DISC1: variants seen among roughly 807,000 people sequenced by gnomAD.
DISC1 encodes the protein DISC1 scaffold protein, also known as disrupted in schizophrenia 1 protein.
DISC1 carries 57 observed loss-of-function variants against 84.5 expected under a neutral mutation model. The observed-to-expected ratio is 0.67, with a 90% CI of 0.55 to 0.84. DISC1 has a LOEUF of 0.84. Ranked by LOEUF, DISC1 falls within the 40% of genes least tolerant of loss-of-function variation. DISC1 has a pLI of 0.00. For missense variants in DISC1, 1,000 were observed against 1,057.8 expected (o/e 0.95, Z 0.76); for synonymous variants, 411 against 415.2 (o/e 0.99, Z 0.12).
chr1:231,681,696 C>T (rs980820647), intron 1 of DISC1, among the ~76,000 whole-genome samples: 1 of 151,978 alleles, frequency 6.6e-6, no homozygotes, highest in Middle Eastern at 3.4e-3. Flanking sequence ...TAGGCATAGA[C>T]ATTTATTTTT....
intron 9 of DISC1, among the ~76,000 whole-genome samples, chr1:231,856,886 AG>A (rs1241236885): frequency 6.6e-6 from 1 of 152,262 alleles, no homozygotes; most frequent in East Asian, 1.9e-4. Context: ...CGGAGTGATC[AG>A]GCCAAAGCAT....
In DISC1 at chr1:231,954,460, T is replaced by C. The variant is rs548371318; in HGVS notation, c.1982-4368T>C. ...TTGTATGAATTCCACTCTGTTATCA[T>C]GGCCTGAACCTGAATATCAGATTCC... On this transcript the variant is annotated intron_variant, in intron 9 of 12. Transcript: ENST00000439617. The surrounding 1 kb of genome is among the most constrained non-coding windows in gnomAD (Gnocchi z 4.8). Among the ~76,000 whole-genome samples the C allele has an allele frequency of 1.3e-5, 2 of 152,348 alleles. No homozygotes were observed. Among genetic ancestry groups the C allele is most frequent in the South Asian group, 4.1e-4 (2 of 4,826 alleles).
chr1:231,914,768 A>G lies in DISC1; in HGVS notation c.1982-44060A>G, dbSNP rs199841124. On this transcript the variant is annotated intron_variant, in intron 9 of 12. Coordinates refer to ENST00000439617, the MANE Select transcript of DISC1 (RefSeq NM_018662.3). ...ACAGTAATGGAGAAAAACAGCTTGC[A>G]CTGTAAGTCCACGACATTTCTGTCC... is the stretch of plus-strand genomic sequence containing the variant. 3.3e-5 allele frequency among the ~76,000 whole-genome samples: 5 copies of G among 152,348 alleles called. No individual in the cohort carries two copies. The South Asian group carries it at 6.2e-4, about 19-fold the overall frequency.
chr1:231,980,586 T>C (rs1482114068), intron 10 of DISC1, among the ~76,000 whole-genome samples: 1 of 152,252 alleles, frequency 6.6e-6, no homozygotes, highest in African/African-American at 2.4e-5. Flanking sequence ...TGTTACTATG[T>C]GATAATTATA....
rs535735897 is a variant in DISC1 at position 232,036,087 on chromosome 1, A to G, written c.2426-605A>G. ...TGAGTGCCCTTCCTAGTTCCTGGGA[A>G]TATACTAACAGATAACAGCAGGTTA... On this transcript the variant is annotated intron_variant, in intron 12 of 12. Coordinates refer to ENST00000439617, the MANE Select transcript of DISC1 (RefSeq NM_018662.3). Among the ~76,000 whole-genome samples the G allele has an allele frequency of 6.6e-5, 10 of 152,330 alleles. No individual in the cohort carries two copies. In the South Asian group the frequency reaches 2.1e-3, roughly 32 times the overall value.
intron 1 of DISC1, among the ~76,000 whole-genome samples, chr1:231,632,663 T>G (rs568119762): frequency 2.0e-5 from 3 of 152,364 alleles, no homozygotes; most frequent in South Asian, 4.1e-4. Context: ...TACTTAGAAC[T>G]GTTTTCATTA....
chr1:231,778,084 A>C (rs1468349193), intron 6 of DISC1, among the ~76,000 whole-genome samples: 1 of 152,212 alleles, frequency 6.6e-6, no homozygotes, highest in African/African-American at 2.4e-5. Context: ...ATGTCCCTCC[A>C]GGCCAGGGAT....
At chr1:231,938,389 G>A (rs1440966813) in intron 9 of DISC1, among the ~76,000 whole-genome samples, 1 of 152,178 alleles carries the variant, frequency 6.6e-6, no homozygotes, top group Non-Finnish European at 1.5e-5. Flanking sequence ...TGCCACTGCA[G>A]GCTTTGGAGG....
At chr1:231,720,758 G>A in intron 3 of DISC1, 2 of 1,016,428 alleles carry the variant, frequency 2.0e-6, no homozygotes, top group African/African-American at 3.3e-5. Flanking sequence ...AAAATGTGAA[G>A]TTCTTAAGTT....
In DISC1 at chr1:232,039,749, A is replaced by C. The variant is rs1294190704; in HGVS notation, c.*2918A>C. On this transcript the variant is annotated 3_prime_UTR_variant, in exon 13 of 13. Transcript: ENST00000439617. ...GAGGTTAGGGCTTAGATTTAAAAGC[A>C]TCAAAACAACAACAATGGAAATTTA... The C allele has an allele frequency of 6.6e-6, 1 of 152,172 alleles. No individual in the cohort carries two copies. The highest frequency in any genetic ancestry group is 1.5e-5 in the Non-Finnish European group (1 of 68,068). The allele number at this position is 152,172 out of a possible 1,614,324, so 9.4% of individuals were successfully genotyped here. A position where few individuals can be genotyped will look rare whatever the true frequency, so the allele number is the denominator to read the frequency against.
intron 9 of DISC1, among the ~76,000 whole-genome samples, chr1:231,868,512 T>C (rs2085214156): frequency 6.6e-6 from 1 of 151,674 alleles, no homozygotes; most frequent in African/African-American, 2.4e-5. Flanking sequence ...TTTTTTTCTC[T>C]TTGTGAGAGA....
chr1:232,006,190 A>G (rs821605), intron 10 of DISC1, among the ~76,000 whole-genome samples: 43,086 of 152,084 alleles, frequency 0.28, 6,388 homozygotes, highest in African/African-American at 0.33. Context: ...TTCATGATCC[A>G]TGTTGAAGAT....
intron 9 of DISC1, among the ~76,000 whole-genome samples, chr1:231,868,734 A>ATT (rs2085244681): frequency 8.3e-6 from 1 of 119,904 alleles, no homozygotes; most frequent in Non-Finnish European, 1.8e-5. Flanking sequence ...ATATATATAT[A>ATT]TTTAGCTGGG....
At position 231,827,966 on chromosome 1, in the gene DISC1, T is replaced by G. The variant is rs532621795; in HGVS notation, c.1981+9449T>G. On this transcript the variant is annotated intron_variant, in intron 9 of 12. Coordinates refer to ENST00000439617, the MANE Select transcript of DISC1 (RefSeq NM_018662.3). ...AAGCCTGCATAGTCATAGAATGTCG[T>G]TTTATTTTTCTTTTGACATTATGCT... is the stretch of plus-strand genomic sequence containing the variant. 2.0e-3 allele frequency among the ~76,000 whole-genome samples: 307 copies of G among 152,316 alleles called. 3 individuals carry two copies. Among genetic ancestry groups the G allele is most frequent in the African/African-American group, 6.9e-3 (288 of 41,574 alleles).
intron 10 of DISC1, among the ~76,000 whole-genome samples, chr1:231,993,400 AT>A (rs1230444977): frequency 6.6e-6 from 1 of 151,692 alleles, no homozygotes; most frequent in Non-Finnish European, 1.5e-5. Flanking sequence ...AGTATGAAAT[AT>A]TTGAAGGCAG....
At chr1:231,728,504 G>C (rs1044782164) in intron 3 of DISC1, among the ~76,000 whole-genome samples, 2 of 152,152 alleles carry the variant, frequency 1.3e-5, no homozygotes, top group Non-Finnish European at 2.9e-5. Flanking sequence ...AAGAGTCATT[G>C]AGCTGCCAAC....
At chr1:231,846,790 CG>C (rs1179260017) in intron 9 of DISC1, among the ~76,000 whole-genome samples, 3 of 152,068 alleles carry the variant, frequency 2.0e-5, no homozygotes, top group African/African-American at 7.2e-5. Flanking sequence ...GGCAGGATAA[CG>C]TGATAAGGAA....
chr1:231,817,369 C>T (rs1183159123), intron 8 of DISC1, among the ~76,000 whole-genome samples: 1 of 152,152 alleles, frequency 6.6e-6, no homozygotes, highest in African/African-American at 2.4e-5. Context: ...CAGGTGTGAG[C>T]CACCATGCCC....
intron 9 of DISC1, among the ~76,000 whole-genome samples, chr1:231,917,743 C>G (rs577788076): frequency 6.6e-6 from 1 of 152,216 alleles, no homozygotes; most frequent in Non-Finnish European, 1.5e-5. Context: ...CACTGTTCTT[C>G]CCCGCCTTAA....
Sources: allele counts gnomAD v4.1 joint callset (sites outside exome capture counted in the v4.1 genomes callset), GRCh38; gene constraint gnomAD v4.1.1; non-coding constraint Gnocchi (gnomAD v3.1); transcripts MANE v1.5; gene names NCBI Gene and HGNC (gene_info 2026-07-23, HGNC 2026-07-21).